The following DDC variants were observed in gnomAD, a reference collection of about 807,000 sequenced individuals.
DDC encodes aromatic-L-amino-acid decarboxylase.
A neutral mutation model predicts 60.0 loss-of-function variants in DDC; 43 were observed. The ratio of observed to expected loss-of-function variants is 0.72; its 90% confidence interval spans 0.56 to 0.92. The LOEUF (loss-of-function observed/expected upper bound fraction) is 0.92, where lower values mean the gene tolerates loss of function less well. DDC is among the 40% of genes least tolerant of loss of function. The probability of loss-of-function intolerance (pLI) is 0.00; values close to 1 mark genes in which losing one functional copy is unlikely to be tolerated. For synonymous variants in DDC, 232 were observed against 234.6 expected (o/e 0.99, Z 0.10); for missense variants, 573 against 620.2 (o/e 0.92, Z 0.81).
At chr7:50,465,102 A>G (rs2042365939) in intron 13 of DDC, among the ~76,000 whole-genome samples, 1 of 152,266 alleles carries the variant, frequency 6.6e-6, no homozygotes, top group Admixed American at 6.5e-5. Flanking sequence ...GGTGGCATCT[A>G]CAAATTATGC....
At chr7:50,501,608 CAT>C (rs1370507272) in intron 7 of DDC, among the ~76,000 whole-genome samples, 1 of 152,178 alleles carries the variant, frequency 6.6e-6, no homozygotes, top group Non-Finnish European at 1.5e-5. Flanking sequence ...TTATTCTAAT[CAT>C]ATATAGAATA....
chr7:50,496,738 C>A (rs892334064), intron 8 of DDC, among the ~76,000 whole-genome samples: 2 of 152,142 alleles, frequency 1.3e-5, no homozygotes, highest in South Asian at 4.1e-4. Context: ...TGCAGTGAGG[C>A]GCCAGTCTGG....
At chr7:50,511,198 A>G (rs2043567645) in intron 6 of DDC, among the ~76,000 whole-genome samples, 1 of 151,580 alleles carries the variant, frequency 6.6e-6, no homozygotes, top group Non-Finnish European at 1.5e-5. Flanking sequence ...TAAATAAATT[A>G]CATTTATATT....
At chr7:50,539,267 C>G (rs1474550585) in intron 3 of DDC, 2 of 155,712 alleles carry the variant, frequency 1.3e-5, no homozygotes, top group Admixed American at 1.2e-4. Flanking sequence ...GCAGGCAGCT[C>G]TACCTCCAAG....
intron 7 of DDC, 133 bp downstream of exon 7, chr7:50,503,860 C>T: frequency 1.3e-6 from 1 of 758,106 alleles, no homozygotes; most frequent in South Asian, 1.4e-5. Flanking sequence ...TGTGTTATTG[C>T]AAATACGAGA....
intron 6 of DDC, among the ~76,000 whole-genome samples, chr7:50,525,909 G>A (rs1339172520): frequency 1.3e-5 from 2 of 150,056 alleles, no homozygotes; most frequent in Admixed American, 6.7e-5. Flanking sequence ...AAAAAAAAAA[G>A]AAAGTGAGAC....
At chr7:50,498,269 G>A (rs4947581) in intron 8 of DDC, among the ~76,000 whole-genome samples, 72,132 of 152,114 alleles carry the variant, frequency 0.47, 17,201 homozygotes, top group Admixed American at 0.54. Flanking sequence ...TAATGCAGAG[G>A]ACTGTGCCCT....
chr7:50,562,173 C>T (rs1307121932), intron 1 of DDC, among the ~76,000 whole-genome samples: 1 of 152,214 alleles, frequency 6.6e-6, no homozygotes, highest in African/African-American at 2.4e-5. Context: ...GAGGCAGCGG[C>T]CTTCCAGGCA....
intron 1 of DDC, among the ~76,000 whole-genome samples, chr7:50,548,811 C>T (rs1563048566): frequency 1.3e-5 from 2 of 152,250 alleles, no homozygotes; most frequent in South Asian, 4.2e-4. Flanking sequence ...AACAAGAAGC[C>T]CTCTAGGGCT....
intron 1 of DDC, among the ~76,000 whole-genome samples, chr7:50,547,213 T>C (rs2044836833): frequency 6.6e-6 from 1 of 151,930 alleles, no homozygotes; most frequent in Non-Finnish European, 1.5e-5. Flanking sequence ...TTTTTCTTTT[T>C]TTTTTGTTTT....
chr7:50,478,511 G>A (rs1388439748), intron 10 of DDC, among the ~76,000 whole-genome samples: 1 of 152,144 alleles, frequency 6.6e-6, no homozygotes, highest in East Asian at 1.9e-4. Context: ...AAAAACTGGA[G>A]GCTTTCAGTA....
chr7:50,511,707 C>T (rs532921088), intron 6 of DDC, among the ~76,000 whole-genome samples: 41 of 151,160 alleles, frequency 2.7e-4, no homozygotes, highest in Middle Eastern at 3.4e-3. Context: ...CCAGCCTGGG[C>T]GACAGAGCGA....
intron 6 of DDC, among the ~76,000 whole-genome samples, chr7:50,520,701 G>A (rs1265116790): frequency 6.6e-6 from 1 of 152,144 alleles, no homozygotes; most frequent in African/African-American, 2.4e-5. Flanking sequence ...ATCACCTGAG[G>A]TCAGGAGTTC....
At chr7:50,560,883 C>T (rs1392787277) in intron 1 of DDC, 1 of 152,158 alleles carries the variant, frequency 6.6e-6, no homozygotes, top group Non-Finnish European at 1.5e-5. Flanking sequence ...TCAGCCGAAC[C>T]TCCTTCCTCC....
intron 9 of DDC, among the ~76,000 whole-genome samples, chr7:50,483,261 A>AC (rs2042809211): frequency 6.6e-6 from 1 of 152,142 alleles, no homozygotes; most frequent in African/African-American, 2.4e-5. Flanking sequence ...TAATATGATA[A>AC]CTTTTTTTCT....
At chr7:50,504,103 G>C (rs780615190) in intron 6 of DDC, 44 bp from the exon 7 acceptor site, 1 of 1,417,226 alleles carries the variant, frequency 7.1e-7, no homozygotes, top group Non-Finnish European at 1.0e-6. Flanking sequence ...CCAGGTGCCA[G>C]TCACCGCTGT....
intron 14 of DDC, among the ~76,000 whole-genome samples, chr7:50,462,844 A>C (rs1408981809): frequency 7.5e-6 from 1 of 133,132 alleles, no homozygotes; most frequent in Non-Finnish European, 1.5e-5. Context: ...ATCTCGGCTC[A>C]CGGCAACCTC....
intron 4 of DDC, among the ~76,000 whole-genome samples, chr7:50,537,251 G>T (rs955641867): frequency 2.6e-5 from 4 of 152,156 alleles, no homozygotes; most frequent in African/African-American, 9.7e-5. Context: ...TTAAGTAAAT[G>T]ATTGGTTCAA....
At chr7:50,515,687 T>C (rs2043707509) in intron 6 of DDC, among the ~76,000 whole-genome samples, 1 of 152,130 alleles carries the variant, frequency 6.6e-6, no homozygotes, top group African/African-American at 2.4e-5. Flanking sequence ...TTCAGGAGAT[T>C]CACCTAACGC....
Sources: gnomAD v4.1 joint callset for allele counts (sites outside exome capture counted in the v4.1 genomes callset) on GRCh38, gnomAD v4.1.1 for gene constraint, MANE v1.5 for transcripts, NCBI Gene and HGNC (gene_info 2026-07-23, HGNC 2026-07-21) for gene names.